Variants in FBXO11 observed in about 807,000 individuals in gnomAD.
FBXO11 encodes the protein F-box protein 11.
Under a neutral mutation model 117.0 loss-of-function variants are expected in FBXO11, and 13 were observed. The observed-to-expected ratio is 0.11, with a 90% CI of 0.07 to 0.18. The LOEUF is 0.18. Ranked by LOEUF, FBXO11 falls within the 10% of genes least tolerant of loss-of-function variation. FBXO11 has a pLI of 1.00. For synonymous variants in FBXO11, 490 were observed against 380.5 expected, an observed-to-expected ratio of 1.29 and a Z score of -3.35; for missense variants, 767 against 1,164.4, an observed-to-expected ratio of 0.66 and a Z score of 4.97.
Position 47,810,603 on chromosome 2 carries a change from A to G in FBXO11, c.2228-177T>C, listed in dbSNP as rs190063253. The G allele has an allele frequency of 1.6e-5, 8 of 499,140 alleles. No homozygotes were observed. In the Admixed American group the frequency reaches 1.9e-4, roughly 12 times the overall value. 30.9% of individuals were successfully genotyped at this position (499,140 alleles called of 1,614,324 possible). ...TTCAGAGGTATTAAGGATCTAACAA[A>G]ATTGCTACAATGACAGGTAAGAGCA... On this transcript the variant is annotated intron_variant, in intron 18 of 22. Transcript: ENST00000403359.
chr2:47,841,391 T>G (rs984240455), intron 1 of FBXO11, among the ~76,000 whole-genome samples: 1 of 152,044 alleles, frequency 6.6e-6, no homozygotes, highest in African/African-American at 2.4e-5. Context: ...CTCTAATGAG[T>G]TAACAGATTT....
intron 1 of FBXO11, among the ~76,000 whole-genome samples, chr2:47,900,200 T>C (rs1678000239): frequency 6.6e-6 from 1 of 152,052 alleles, no homozygotes; most frequent in Non-Finnish European, 1.5e-5. Flanking sequence ...TCAAGTAAGT[T>C]CCAAGCTTTA....
intron 12 of FBXO11, among the ~76,000 whole-genome samples, chr2:47,822,914 T>A (rs1036153839): frequency 6.6e-6 from 1 of 152,216 alleles, no homozygotes; most frequent in Non-Finnish European, 1.5e-5. Flanking sequence ...CAATTTTTCA[T>A]AATATCACAT....
intron 1 of FBXO11, among the ~76,000 whole-genome samples, chr2:47,899,981 T>C (rs773641146): frequency 6.6e-6 from 1 of 152,010 alleles, no homozygotes; most frequent in South Asian, 2.1e-4. Flanking sequence ...ATACTCAAAC[T>C]AGGGGTTCTC....
At chr2:47,840,451 C>CT (rs34381400) in intron 1 of FBXO11, among the ~76,000 whole-genome samples, 1,406 of 132,656 alleles carry the variant, frequency 0.011, 24 homozygotes, top group African/African-American at 0.031. Context: ...GTATGAACAT[C>CT]TTTTTTTTTT....
At chr2:47,849,283 A>G (rs1365223352) in intron 1 of FBXO11, among the ~76,000 whole-genome samples, 1 of 152,250 alleles carries the variant, frequency 6.6e-6, no homozygotes, top group African/African-American at 2.4e-5. Flanking sequence ...AAACTTTTTA[A>G]AAGCTTGACT....
At chr2:47,827,844 G>T (rs961933388) in intron 11 of FBXO11, among the ~76,000 whole-genome samples, 2 of 151,912 alleles carry the variant, frequency 1.3e-5, no homozygotes, top group African/African-American at 4.8e-5. Flanking sequence ...TTACAGGTGG[G>T]TGCCACCATG....
intron 16 of FBXO11, chr2:47,818,563 G>C (rs1471141253): frequency 4.3e-6 from 2 of 463,892 alleles, no homozygotes; most frequent in Non-Finnish European, 7.7e-6. Flanking sequence ...AACGGTGGAA[G>C]TGAGCTCTTA....
intron 6 of FBXO11, 23 bp downstream of exon 6, chr2:47,834,762 GTCA>G: frequency 6.2e-7 from 1 of 1,607,448 alleles, no homozygotes; most frequent in Non-Finnish European, 8.5e-7. Flanking sequence ...ACCATTTTAA[GTCA>G]TAAAAATAAA....
intron 16 of FBXO11, among the ~76,000 whole-genome samples, chr2:47,816,742 AATGAGCAG>A (rs1333406365): frequency 6.6e-6 from 1 of 152,186 alleles, no homozygotes; most frequent in Non-Finnish European, 1.5e-5. Flanking sequence ...GTGCATTGTC[AATGAGCAG>A]TAATATTTTG....
chr2:47,872,536 G>C (rs1172113603), intron 1 of FBXO11, among the ~76,000 whole-genome samples: 3 of 152,154 alleles, frequency 2.0e-5, no homozygotes, highest in African/African-American at 4.8e-5. Context: ...GTTGGCCAGA[G>C]TGGTCTAAAA....
At chr2:47,857,956 CACAT>C (rs1674442165) in intron 1 of FBXO11, among the ~76,000 whole-genome samples, 1 of 152,046 alleles carries the variant, frequency 6.6e-6, no homozygotes, top group African/African-American at 2.4e-5. Flanking sequence ...TATACACACA[CACAT>C]ACATATATTT....
chr2:47,883,488 A>C, intron 1 of FBXO11: 1 of 416,272 alleles, frequency 2.4e-6, no homozygotes. Flanking sequence ...TATGGGGAAG[A>C]CCATCACCCT....
intron 14 of FBXO11, among the ~76,000 whole-genome samples, chr2:47,819,328 G>A (rs1406880069): frequency 6.6e-6 from 1 of 152,138 alleles, no homozygotes; most frequent in East Asian, 1.9e-4. Flanking sequence ...GCAATTCTCT[G>A]CCTCAGCTTC....
intron 1 of FBXO11, among the ~76,000 whole-genome samples, chr2:47,860,496 C>T (rs1016693954): frequency 2.0e-5 from 3 of 151,810 alleles, no homozygotes; most frequent in Admixed American, 1.3e-4. Context: ...CTGAAACCTC[C>T]GCCTCCCAGG....
Position 47,895,619 on chromosome 2 carries a change from G to C in FBXO11, c.232+9870C>G, listed in dbSNP as rs1472393869. Among the ~76,000 whole-genome samples, 3 of 152,158 alleles carry C rather than the reference G, an allele frequency of 2.0e-5. No individual in the cohort carries two copies. In the East Asian group the frequency reaches 5.8e-4, roughly 29 times the overall value. On this transcript the variant is annotated intron_variant, in intron 1 of 22. Transcript: ENST00000403359. ...AAAAGTAATCAAGCTGTACACGGAT[G>C]ATTTGTGCACTTACATATTTCAATT...
chr2:47,872,690 T>C (rs1316719034), intron 1 of FBXO11, among the ~76,000 whole-genome samples: 2 of 152,138 alleles, frequency 1.3e-5, no homozygotes, highest in African/African-American at 4.8e-5. Flanking sequence ...AAGTACACAG[T>C]AGAGTTTTCC....
At chr2:47,870,285 C>G (rs761951607) in intron 1 of FBXO11, among the ~76,000 whole-genome samples, 1 of 152,150 alleles carries the variant, frequency 6.6e-6, no homozygotes, top group Non-Finnish European at 1.5e-5. Context: ...CTGTACTACC[C>G]ATAAATCTAA....
intron 14 of FBXO11, among the ~76,000 whole-genome samples, 158 bp downstream of exon 14, chr2:47,820,204 A>G (rs1671284290): frequency 6.6e-6 from 1 of 152,214 alleles, no homozygotes; most frequent in Admixed American, 6.5e-5. Flanking sequence ...AGATACTGGC[A>G]GGGAGAAGAA....
Sources: gnomAD v4.1 joint callset for allele counts (sites outside exome capture counted in the v4.1 genomes callset) on GRCh38, gnomAD v4.1.1 for gene constraint, MANE v1.5 for transcripts, NCBI Gene and HGNC (gene_info 2026-07-23, HGNC 2026-07-21) for gene names.